Variants in ZNF503 observed in about 807,000 individuals in gnomAD.
ZNF503 encodes NocA-like zinc finger 2.
In ZNF503, 15 loss-of-function variants were observed where a neutral mutation model predicts 34.4. That is an observed-to-expected ratio of 0.44 (90% CI 0.29 to 0.67). The LOEUF (loss-of-function observed/expected upper bound fraction) is 0.67, where lower values mean the gene tolerates loss of function less well. ZNF503 is among the 30% of genes least tolerant of loss of function. ZNF503 has a pLI of 0.13. For missense variants in ZNF503, 1,007 were observed against 926.8 expected, an observed-to-expected ratio of 1.09 and a Z score of -1.12; for synonymous variants, 580 against 456.8, an observed-to-expected ratio of 1.27 and a Z score of -3.44.
chr10:75,377,570 G>A, the ZNF503 span, among the ~76,000 whole-genome samples: 1 of 152,132 alleles, frequency 6.6e-6, no homozygotes, highest in Non-Finnish European at 1.5e-5. Flanking sequence ...AGCCGAGGTG[G>A]GGTCTTTTTA....
At chr10:75,333,236 A>AC in the ZNF503 span, among the ~76,000 whole-genome samples, 142 of 46,164 alleles carry the variant, frequency 3.1e-3, no homozygotes, top group African/African-American at 0.011. Flanking sequence ...AGGGGGGCTG[A>AC]CCCCCCCCAC....
At chr10:75,316,236 T>C in the ZNF503 span, among the ~76,000 whole-genome samples, 1 of 152,172 alleles carries the variant, frequency 6.6e-6, no homozygotes, top group Non-Finnish European at 1.5e-5. Context: ...CATAGACATA[T>C]TCAGAACCTT....
chr10:75,351,399 C>T, the ZNF503 span, among the ~76,000 whole-genome samples: 97 of 152,180 alleles, frequency 6.4e-4, no homozygotes, highest in African/African-American at 2.2e-3. Flanking sequence ...TTCAAACTCC[C>T]GACCTTCAGT....
the ZNF503 span, among the ~76,000 whole-genome samples, chr10:75,338,801 A>C: frequency 6.6e-6 from 1 of 152,196 alleles, no homozygotes; most frequent in Non-Finnish European, 1.5e-5. Flanking sequence ...ACACACACAG[A>C]TTGGGCACCA....
chr10:75,368,211 A>AGAAGCAGGCAT, the ZNF503 span, among the ~76,000 whole-genome samples: 3 of 152,326 alleles, frequency 2.0e-5, no homozygotes, highest in South Asian at 6.2e-4. Flanking sequence ...AATACAGGGG[A>AGAAGCAGGCAT]GAAGCAGGCA....
Position 75,401,461 on chromosome 10 carries a change from G to C in ZNF503, c.-42C>G. ...TGGGAGCAGCGGGGGGGAGGGCTCCGGGAGGCGCGGGGCGGGCTCGGGGCT... is the reference window on the plus strand; with the variant it reads ...TGGGAGCAGCGGGGGGGAGGGCTCCCGGAGGCGCGGGGCGGGCTCGGGGCT... On this transcript the variant is annotated 5_prime_UTR_variant, in exon 1 of 2. Coordinates refer to ENST00000372524, the MANE Select transcript of ZNF503 (RefSeq NM_032772.6). 6.6e-7 allele frequency: 1 copy of C among 1,506,742 alleles called. No homozygotes were observed. The highest frequency in any genetic ancestry group is 8.8e-7 in the Non-Finnish European group (1 of 1,135,906). The allele number at this position is 1,506,742 out of a possible 1,614,324, so 93.3% of individuals were successfully genotyped here. A position where few individuals can be genotyped will look rare whatever the true frequency, so the allele number is the denominator to read the frequency against.
At chr10:75,282,050 C>G in the ZNF503 span, among the ~76,000 whole-genome samples, 1 of 152,236 alleles carries the variant, frequency 6.6e-6, no homozygotes, top group Non-Finnish European at 1.5e-5. Flanking sequence ...CAACAGCCAT[C>G]CCCGCTCCTT....
the ZNF503 span, among the ~76,000 whole-genome samples, chr10:75,291,660 C>T: frequency 1.3e-5 from 2 of 152,176 alleles, no homozygotes; most frequent in African/African-American, 2.4e-5. Context: ...TCATCTTAAA[C>T]TTGTAGTCAG....
the ZNF503 span, among the ~76,000 whole-genome samples, chr10:75,362,589 C>T: frequency 6.6e-6 from 1 of 152,158 alleles, no homozygotes; most frequent in African/African-American, 2.4e-5. Flanking sequence ...AAATGTATGG[C>T]TATATTATGG....
rs563598299 is a variant in ZNF503 at position 75,401,654 on chromosome 10, C to G, written c.-235G>C. ...GGAGCCGGCTGGACTGCGGGAGTGC[C>G]GGGCGGCTCGCGGTGTCCGCCTCGG... On this transcript the variant is annotated 5_prime_UTR_variant, in exon 1 of 2. Coordinates refer to ENST00000372524, the MANE Select transcript of ZNF503 (RefSeq NM_032772.6). 60 of 515,872 alleles carry G rather than the reference C, an allele frequency of 1.2e-4. 2 individuals carry two copies. In the South Asian group the frequency reaches 1.5e-3, roughly 13 times the overall value. 32.0% of individuals were successfully genotyped at this position (515,872 alleles called of 1,614,324 possible).
chr10:75,338,021 A>C, the ZNF503 span, among the ~76,000 whole-genome samples: 1 of 152,262 alleles, frequency 6.6e-6, no homozygotes, highest in Non-Finnish European at 1.5e-5. Flanking sequence ...AGTTTATCTT[A>C]AGAAAATAGC....
the ZNF503 span, chr10:75,382,750 G>T: frequency 6.0e-6 from 2 of 330,698 alleles, no homozygotes; most frequent in Non-Finnish European, 1.2e-5. Flanking sequence ...TATATTATCT[G>T]GTTGCTCTCT....
the ZNF503 span, among the ~76,000 whole-genome samples, chr10:75,389,678 TGAG>T: frequency 2.0e-5 from 3 of 152,116 alleles, no homozygotes; most frequent in African/African-American, 7.2e-5. Context: ...TGCAGTGAGC[TGAG>T]ATCATGCCAC....
chr10:75,362,811 TG>T, the ZNF503 span, among the ~76,000 whole-genome samples: 1 of 152,062 alleles, frequency 6.6e-6, no homozygotes, highest in African/African-American at 2.4e-5. Context: ...TGTGCGAGGG[TG>T]GGGGAACCAC....
the ZNF503 span, chr10:75,382,646 C>A: frequency 2.7e-6 from 1 of 366,882 alleles, no homozygotes; most frequent in South Asian, 2.5e-5. Flanking sequence ...GTTCTAGAAG[C>A]AGTCTTCTAC....
the ZNF503 span, among the ~76,000 whole-genome samples, chr10:75,332,683 G>A: frequency 6.8e-4 from 100 of 147,584 alleles, no homozygotes; most frequent in Non-Finnish European, 1.1e-3. Context: ...GACTCTTAAC[G>A]AGCATGCTGC....
the ZNF503 span, among the ~76,000 whole-genome samples, chr10:75,387,160 G>T: frequency 6.6e-6 from 1 of 152,224 alleles, no homozygotes; most frequent in African/African-American, 2.4e-5. Flanking sequence ...GGCCTTGAGG[G>T]CTTCCCCGGA....
In ZNF503 at chr10:75,401,403, G is replaced by A. The variant is rs555427152; in HGVS notation, c.17C>T (p.Ser6Leu). 4 of 1,538,664 alleles carry A rather than the reference G, an allele frequency of 2.6e-6. No homozygotes were observed. In the African/African-American group the frequency reaches 5.5e-5, roughly 21 times the overall value. The change falls in exon 1 of 2, where the codon TCG (serine) becomes TTG (leucine). Residue 6 changes from serine (S) to leucine (L), a missense_variant. Transcript: ENST00000372524. The part of the protein sequence containing the change: MSTAP[S>L]LSALRSSKHS... Reference sequence around the variant, plus strand: ...CTTACTGCTTCTTAGGGCAGAAAGCGAGGGCGCTGTGCTCATGACCCACCC... The same window carrying A: ...CTTACTGCTTCTTAGGGCAGAAAGCAAGGGCGCTGTGCTCATGACCCACCC...
the ZNF503 span, among the ~76,000 whole-genome samples, chr10:75,389,994 G>A: frequency 9.3e-3 from 1,416 of 152,162 alleles, 15 homozygotes; most frequent in Non-Finnish European, 0.01. Context: ...CCGGGTTCGC[G>A]CCATTCTCTC....
Sources: allele counts gnomAD v4.1 joint callset (sites outside exome capture counted in the v4.1 genomes callset), GRCh38; gene constraint gnomAD v4.1.1; transcripts MANE v1.5; gene names NCBI Gene and HGNC (gene_info 2026-07-23, HGNC 2026-07-21).